PREX2: variants seen among roughly 807,000 people sequenced by gnomAD.
PREX2 encodes phosphatidylinositol-3,4,5-trisphosphate dependent Rac exchange factor 2.
A neutral mutation model predicts 203.2 loss-of-function variants in PREX2; 107 were observed. The observed-to-expected ratio is 0.53, with a 90% CI of 0.45 to 0.62. The LOEUF is 0.62. Ranked by LOEUF, PREX2 falls within the 20% of genes least tolerant of loss-of-function variation. The pLI, the probability that PREX2 is intolerant of heterozygous loss-of-function variation, is 0.00. For synonymous variants in PREX2, 672 were observed against 663.6 expected, an observed-to-expected ratio of 1.01 and a Z score of -0.19; for missense variants, 1,777 against 1,955.9, an observed-to-expected ratio of 0.91 and a Z score of 1.72.
chr8:68,103,760 C>G, intron 23 of PREX2: 1 of 518,152 alleles, frequency 1.9e-6, no homozygotes, highest in Non-Finnish European at 3.9e-6. Flanking sequence ...TCTCCGTGAC[C>G]CCACATATGC....
chr8:68,031,921 TA>T (rs1453629293), intron 6 of PREX2, among the ~76,000 whole-genome samples: 6 of 152,190 alleles, frequency 3.9e-5, no homozygotes, highest in Admixed American at 1.3e-4. Flanking sequence ...GGCCTTTTAC[TA>T]AAACAAAAAC....
chr8:68,197,274 G>A (rs560472093), intron 37 of PREX2, among the ~76,000 whole-genome samples: 2 of 152,192 alleles, frequency 1.3e-5, no homozygotes, highest in Admixed American at 6.5e-5. Flanking sequence ...GCAGGACCAG[G>A]TGGAGGTAAT....
chr8:67,986,262 T>C (rs902680483), intron 1 of PREX2, among the ~76,000 whole-genome samples: 3 of 152,232 alleles, frequency 2.0e-5, no homozygotes, highest in Admixed American at 6.5e-5. Context: ...GGCACTCTTA[T>C]AGATGGGGAA....
intron 35 of PREX2, among the ~76,000 whole-genome samples, chr8:68,175,275 A>G (rs527940293): frequency 1.3e-5 from 2 of 152,264 alleles, no homozygotes; most frequent in East Asian, 3.9e-4. Flanking sequence ...GAAGGGGCTG[A>G]AAGTGAAGTT....
intron 38 of PREX2, among the ~76,000 whole-genome samples, chr8:68,220,555 C>T (rs1269623938): frequency 6.6e-6 from 1 of 152,100 alleles, no homozygotes; most frequent in Non-Finnish European, 1.5e-5. Flanking sequence ...TTGACATGCT[C>T]CTTGCCTTAT....
chr8:68,109,313 A>G, intron 24 of PREX2, 103 bp from the exon 25 acceptor site: 1 of 814,666 alleles, frequency 1.2e-6, no homozygotes, highest in South Asian at 1.8e-5. Context: ...TAATACATAT[A>G]ATTTTATCTG....
intron 31 of PREX2, among the ~76,000 whole-genome samples, chr8:68,130,114 C>CAAAAAA (rs71253064): frequency 1.1e-4 from 11 of 102,652 alleles, no homozygotes; most frequent in East Asian, 2.8e-4. Flanking sequence ...CCTGCCTCTG[C>CAAAAAA]AAAAAAAAAA....
At chr8:68,213,401 T>G (rs1301245274) in intron 37 of PREX2, among the ~76,000 whole-genome samples, 1 of 152,218 alleles carries the variant, frequency 6.6e-6, no homozygotes, top group Non-Finnish European at 1.5e-5. Flanking sequence ...GTAAGGGGCC[T>G]TGAAACTCAA....
In PREX2 at chr8:68,234,756, G is replaced by A. The variant is rs1472766706; in HGVS notation, c.*3378G>A. The A allele has an allele frequency of 6.6e-6, 1 of 151,962 alleles. No homozygotes were observed. Among genetic ancestry groups the A allele is most frequent in the Middle Eastern group, 3.2e-3 (1 of 316 alleles). 9.4% of individuals were successfully genotyped at this position (151,962 alleles called of 1,614,324 possible). A position where few individuals can be genotyped will look rare whatever the true frequency, so the allele number is the denominator to read the frequency against. On this transcript the variant is annotated 3_prime_UTR_variant, in exon 40 of 40. Transcript: ENST00000288368. ...ATTCTTCTGGTGGCTTGGGTTCATTGTGCATTCATTGGCCACTCTTCTTGC... is the reference window on the plus strand; with the variant it reads ...ATTCTTCTGGTGGCTTGGGTTCATTATGCATTCATTGGCCACTCTTCTTGC...
chr8:67,956,507 A>G (rs2129016715), intron 1 of PREX2, among the ~76,000 whole-genome samples: 1 of 152,354 alleles, frequency 6.6e-6, no homozygotes, highest in Middle Eastern at 3.4e-3. Flanking sequence ...GAGCAGATAC[A>G]TGAAAGAAAA....
intron 38 of PREX2, 110 bp downstream of exon 38, chr8:68,217,828 A>C: frequency 6.2e-6 from 4 of 649,948 alleles, no homozygotes; most frequent in East Asian, 6.2e-5. Flanking sequence ...TGGACAGTTT[A>C]CTAGGCTCAG....
chr8:68,115,596 TTGAA>T (rs1810639333), intron 25 of PREX2, among the ~76,000 whole-genome samples, 153 bp from the exon 26 acceptor site: 1 of 148,036 alleles, frequency 6.8e-6, no homozygotes, highest in Non-Finnish European at 1.5e-5. Flanking sequence ...CAAGAGAACT[TTGAA>T]TGACATGCTT....
At chr8:68,223,479 A>G (rs971373488) in intron 38 of PREX2, 4 of 151,704 alleles carry the variant, frequency 2.6e-5, no homozygotes, top group South Asian at 2.1e-4. Flanking sequence ...ATTTCTTCCC[A>G]CCTTTCTTTT....
At chr8:68,111,830 A>G (rs542905676) in intron 25 of PREX2, among the ~76,000 whole-genome samples, 73 of 152,308 alleles carry the variant, frequency 4.8e-4, no homozygotes, top group African/African-American at 1.7e-3. Context: ...ACATTATTTA[A>G]AAATCTAGTA....
At chr8:68,161,646 A>C (rs1811656097) in intron 35 of PREX2, among the ~76,000 whole-genome samples, 1 of 152,094 alleles carries the variant, frequency 6.6e-6, no homozygotes, top group African/African-American at 2.4e-5. Flanking sequence ...ATAGGACAAA[A>C]ATTTACTTTC....
intron 12 of PREX2, among the ~76,000 whole-genome samples, chr8:68,069,448 AAAAT>A (rs1313551398): frequency 1.3e-5 from 2 of 151,542 alleles, no homozygotes; most frequent in Non-Finnish European, 2.9e-5. Flanking sequence ...ACAAATGTGT[AAAAT>A]AAATGTAATG....
intron 38 of PREX2, among the ~76,000 whole-genome samples, chr8:68,220,022 T>C (rs1304183128): frequency 1.3e-5 from 2 of 151,994 alleles, no homozygotes; most frequent in Non-Finnish European, 2.9e-5. Flanking sequence ...TATTATGATA[T>C]ATTAGAGAAT....
intron 37 of PREX2, among the ~76,000 whole-genome samples, chr8:68,207,116 A>G (rs1396841096): frequency 1.3e-5 from 2 of 152,198 alleles, no homozygotes; most frequent in African/African-American, 4.8e-5. Context: ...TATAATTACT[A>G]TAAGACTAAT....
intron 2 of PREX2, 123 bp downstream of exon 2, chr8:68,018,040 T>A: frequency 1.4e-6 from 1 of 705,410 alleles, no homozygotes; most frequent in Non-Finnish European, 2.6e-6. Context: ...GCTGTTCCAG[T>A]CAGTTGTATT....
Sources: gnomAD v4.1 joint callset for allele counts (sites outside exome capture counted in the v4.1 genomes callset) on GRCh38, gnomAD v4.1.1 for gene constraint, MANE v1.5 for transcripts, NCBI Gene and HGNC (gene_info 2026-07-23, HGNC 2026-07-21) for gene names.